The following USH2A variants were observed in gnomAD, a reference collection of about 807,000 sequenced individuals.
The protein encoded by USH2A is Usher syndrome 2A (autosomal recessive, mild).
Under a neutral mutation model 538.9 loss-of-function variants are expected in USH2A, and 443 were observed. The observed-to-expected ratio is 0.82, with a 90% CI of 0.76 to 0.89. The LOEUF (loss-of-function observed/expected upper bound fraction) is 0.89, where lower values mean the gene tolerates loss of function less well. USH2A is among the 40% of genes least tolerant of loss of function. The pLI is 0.00. For synonymous variants in USH2A, 2,413 were observed against 2,273.5 expected (o/e 1.06, Z -1.75); for missense variants, 6,633 against 6,324.8 (o/e 1.05, Z -1.65).
At chr1:216,149,203 G>A (rs747897085) in intron 21 of USH2A, among the ~76,000 whole-genome samples, 16 of 152,204 alleles carry the variant, frequency 1.1e-4, no homozygotes, top group Admixed American at 2.0e-4. Flanking sequence ...AGCGGCTGCC[G>A]CTGCTTTAAT....
Position 216,404,668 on chromosome 1 carries a change from C to T in USH2A, c.651+13846G>A, listed in dbSNP as rs534019304. Among the ~76,000 whole-genome samples the T allele has an allele frequency of 1.6e-3, 222 of 138,310 alleles. 1 individual carries two copies. Among genetic ancestry groups the T allele is most frequent in the Non-Finnish European group, 2.4e-3 (159 of 66,038 alleles). The allele number at this position is 138,310 out of a possible 152,430, so 90.7% of individuals were successfully genotyped here. A position where few individuals can be genotyped will look rare whatever the true frequency, so the allele number is the denominator to read the frequency against. On this transcript the variant is annotated intron_variant, in intron 3 of 71. Coordinates refer to ENST00000307340, the MANE Select transcript of USH2A (RefSeq NM_206933.4). Reference sequence around the variant, plus strand: ...ACAGGGTCTCACTCTGTTGCCCAGGCTGGAGTGCAGTGGCATGATCTCTGC... The same window carrying T: ...ACAGGGTCTCACTCTGTTGCCCAGGTTGGAGTGCAGTGGCATGATCTCTGC...
chr1:216,097,643 T>A (rs764453304), intron 21 of USH2A, among the ~76,000 whole-genome samples: 73 of 152,258 alleles, frequency 4.8e-4, no homozygotes, highest in Admixed American at 7.8e-4. Context: ...TAGAAGTTAA[T>A]ATTGGAAAGA....
intron 3 of USH2A, among the ~76,000 whole-genome samples, chr1:216,402,269 C>T (rs1263831675): frequency 6.6e-6 from 1 of 152,046 alleles, no homozygotes; most frequent in East Asian, 1.9e-4. Flanking sequence ...TATTTAAAAT[C>T]TCCAATTTAT....
chr1:216,137,293 A>C (rs1452196050), intron 21 of USH2A, among the ~76,000 whole-genome samples: 1 of 152,110 alleles, frequency 6.6e-6, no homozygotes, highest in African/African-American at 2.4e-5. Flanking sequence ...AACTGGGAAT[A>C]AAAAGAGATT....
chr1:215,861,660 C>A (rs756762665), intron 44 of USH2A, among the ~76,000 whole-genome samples: 2 of 152,014 alleles, frequency 1.3e-5, no homozygotes, highest in Non-Finnish European at 2.9e-5. Flanking sequence ...TGGTTAATAC[C>A]CAAAAAGATG....
chr1:216,099,874 G>C (rs2032536005), intron 21 of USH2A, among the ~76,000 whole-genome samples: 1 of 152,082 alleles, frequency 6.6e-6, no homozygotes, highest in South Asian at 2.1e-4. Context: ...CCTGCCATTT[G>C]GAAATGAGAA....
Position 215,779,876 on chromosome 1 carries a change from C to A in USH2A, c.10906G>T (p.Asp3636Tyr). 1 of 1,614,032 alleles carries A rather than the reference C, an allele frequency of 6.2e-7. No homozygotes were observed. Among genetic ancestry groups the A allele is most frequent in the Non-Finnish European group, 8.5e-7 (1 of 1,180,028 alleles). Residue 3636 changes from aspartate to tyrosine, a missense_variant, in exon 55 of 72, where the codon GAC becomes TAC. Transcript: ENST00000307340. ...GTATGCTGTCTCCTGTCAGTGGTGT[C>A]AGTGTGGATGAGACCTTTCCCAACC... ...RQVGKGLIHT[D>Y]TTDRRQHTVT...
chr1:215,729,511 A>T (rs1050991639), intron 60 of USH2A, among the ~76,000 whole-genome samples: 1 of 152,250 alleles, frequency 6.6e-6, no homozygotes, highest in African/African-American at 2.4e-5. Flanking sequence ...AAGGGTAAAA[A>T]GATGAACACA....
chr1:216,386,411 G>A lies in USH2A; in HGVS notation c.652-21326C>T, dbSNP rs1330442391. On this transcript the variant is annotated intron_variant, in intron 3 of 71. Transcript: ENST00000307340. Reference sequence around the variant, plus strand: ...ACTCGGGAGGCTGAGGCATGAACCCGGGAGGCAGAGCTTGCAGTGAGCCGA... The same window carrying A: ...ACTCGGGAGGCTGAGGCATGAACCCAGGAGGCAGAGCTTGCAGTGAGCCGA... Among the ~76,000 whole-genome samples, 6 of 151,242 alleles carry A rather than the reference G, an allele frequency of 4.0e-5. No homozygotes were observed. In the South Asian group the frequency reaches 1.3e-3, roughly 32 times the overall value.
intron 21 of USH2A, among the ~76,000 whole-genome samples, chr1:216,118,769 C>T (rs1295513853): frequency 1.3e-5 from 2 of 152,214 alleles, no homozygotes; most frequent in South Asian, 2.1e-4. Context: ...TGCTATGATA[C>T]CACCCTTTAA....
chr1:216,180,128 A>T (rs2034465028), intron 20 of USH2A, among the ~76,000 whole-genome samples: 1 of 152,118 alleles, frequency 6.6e-6, no homozygotes, highest in Non-Finnish European at 1.5e-5. Context: ...TTACAAGAAC[A>T]AATCTTTCAA....
At chr1:215,715,255 C>T (rs772931308) in intron 61 of USH2A, among the ~76,000 whole-genome samples, 13 of 152,098 alleles carry the variant, frequency 8.5e-5, no homozygotes, top group Admixed American at 2.0e-4. Context: ...TTTCTGTTGC[C>T]AGGTTAGTTT....
intron 44 of USH2A, among the ~76,000 whole-genome samples, chr1:215,849,130 T>A (rs1281291944): frequency 2.0e-5 from 3 of 152,126 alleles, no homozygotes; most frequent in Admixed American, 2.0e-4. Context: ...AAAACATAAG[T>A]TACAAGGCTT....
chr1:216,053,859 T>A (rs562179159), intron 30 of USH2A, among the ~76,000 whole-genome samples: 1 of 152,158 alleles, frequency 6.6e-6, no homozygotes, highest in Non-Finnish European at 1.5e-5. Flanking sequence ...TGGGCCACAG[T>A]GGGTGCAGAA....
At chr1:216,210,882 C>G (rs899233732) in intron 15 of USH2A, among the ~76,000 whole-genome samples, 2 of 151,992 alleles carry the variant, frequency 1.3e-5, no homozygotes, top group African/African-American at 4.8e-5. Context: ...TCGGCAGGCT[C>G]AGGCGGAAGA....
rs1660037488 is a variant in USH2A at position 215,732,635 on chromosome 1, A to T, written c.11712-4251T>A. Among the ~76,000 whole-genome samples, 3 of 127,148 alleles carry T rather than the reference A, an allele frequency of 2.4e-5. No individual in the cohort carries two copies. The South Asian group carries it at 7.3e-4, about 31-fold the overall frequency. 83.4% of individuals were successfully genotyped at this position (127,148 alleles called of 152,430 possible). On this transcript the variant is annotated intron_variant, in intron 60 of 71. Coordinates refer to ENST00000307340, the MANE Select transcript of USH2A (RefSeq NM_206933.4). Reference sequence around the variant, plus strand: ...CGGCTCACTGCAAGCTCCGCCTCCCAGGTTCACGCCATTCTCCTGCCTCAG... The same window carrying T: ...CGGCTCACTGCAAGCTCCGCCTCCCTGGTTCACGCCATTCTCCTGCCTCAG...
chr1:216,019,234 G>A (rs115118284), intron 32 of USH2A, among the ~76,000 whole-genome samples: 2,419 of 152,272 alleles, frequency 0.016, 25 homozygotes, highest in Non-Finnish European at 0.026. Context: ...GATGGGAAGA[G>A]TTGGCAAAAA....
At chr1:216,302,167 A>G (rs2037228615) in intron 9 of USH2A, among the ~76,000 whole-genome samples, 1 of 152,234 alleles carries the variant, frequency 6.6e-6, no homozygotes, top group African/African-American at 2.4e-5. Context: ...TAAAGTGCCC[A>G]ACTACATAGA....
chr1:215,979,475 G>GA (rs1667700147), intron 35 of USH2A, among the ~76,000 whole-genome samples: 1 of 152,102 alleles, frequency 6.6e-6, no homozygotes, highest in African/African-American at 2.4e-5. Context: ...GTCATATACA[G>GA]AAAAAATAAT....
Sources: allele counts gnomAD v4.1 joint callset (sites outside exome capture counted in the v4.1 genomes callset), GRCh38; gene constraint gnomAD v4.1.1; transcripts MANE v1.5; gene names NCBI Gene and HGNC (gene_info 2026-07-23, HGNC 2026-07-21).